Variants in AIDA observed in about 807,000 individuals in gnomAD.
AIDA encodes the protein axin interactor, dorsalization associated, also known as axin interactor, dorsalization-associated protein.
Under a neutral mutation model 42.7 loss-of-function variants are expected in AIDA, and 18 were observed. The ratio of observed to expected loss-of-function variants is 0.42; its 90% CI spans 0.29 to 0.63. The LOEUF is 0.63. AIDA is among the 20% of genes least tolerant of loss of function. The probability of loss-of-function intolerance (pLI) is 0.19; values close to 1 mark genes in which losing one functional copy is unlikely to be tolerated. For synonymous variants in AIDA, 104 were observed against 122.9 expected, an observed-to-expected ratio of 0.85 and a Z score of 1.02; for missense variants, 250 against 354.1, an observed-to-expected ratio of 0.71 and a Z score of 2.36.
At chr1:222,671,475 C>T (rs1027977789) in intron 8 of AIDA, among the ~76,000 whole-genome samples, 1 of 152,162 alleles carries the variant, frequency 6.6e-6, no homozygotes, top group Admixed American at 6.5e-5. Context: ...GCAAAGACAA[C>T]ATACATTTAA....
chr1:222,687,768 A>ATG, intron 4 of AIDA, 110 bp from the exon 5 acceptor site: 1 of 843,798 alleles, frequency 1.2e-6, no homozygotes, highest in South Asian at 2.2e-5. Context: ...AATATATATA[A>ATG]ATTCCCAGCC....
At chr1:222,678,218 T>C (rs929194579) in intron 6 of AIDA, among the ~76,000 whole-genome samples, 1 of 151,592 alleles carries the variant, frequency 6.6e-6, no homozygotes, top group South Asian at 2.1e-4. Context: ...TGTGTGTGTG[T>C]GTGTGTGTGT....
intron 6 of AIDA, among the ~76,000 whole-genome samples, chr1:222,684,407 C>T (rs1354862622): frequency 2.0e-5 from 3 of 152,174 alleles, no homozygotes; most frequent in Non-Finnish European, 4.4e-5. Context: ...CCACTGTGCC[C>T]AGCCAAGTGA....
intron 1 of AIDA, among the ~76,000 whole-genome samples, chr1:222,705,598 G>A (rs1655816955): frequency 6.6e-6 from 1 of 152,196 alleles, no homozygotes; most frequent in Admixed American, 6.5e-5. Context: ...TAAAAGTTAT[G>A]CAAGGCCAGG....
intron 2 of AIDA, among the ~76,000 whole-genome samples, chr1:222,702,023 C>CA (rs35462872): frequency 0.024 from 3,126 of 129,648 alleles, 90 homozygotes; most frequent in African/African-American, 0.089. Flanking sequence ...CACACCCAGC[C>CA]AAAAAAAAAA....
intron 4 of AIDA, among the ~76,000 whole-genome samples, chr1:222,689,380 C>T (rs1031862207): frequency 6.7e-6 from 1 of 149,988 alleles, no homozygotes; most frequent in African/African-American, 2.4e-5. Flanking sequence ...ATGGAGGTTG[C>T]AGCGAGCGGA....
At chr1:222,684,319 C>A (rs1484398959) in intron 6 of AIDA, among the ~76,000 whole-genome samples, 1 of 152,026 alleles carries the variant, frequency 6.6e-6, no homozygotes, top group Non-Finnish European at 1.5e-5. Context: ...ACCATGTTGG[C>A]CAGGCTGGTC....
At chr1:222,709,557 T>C (rs377359963) in intron 1 of AIDA, among the ~76,000 whole-genome samples, 1 of 151,362 alleles carries the variant, frequency 6.6e-6, no homozygotes, top group Non-Finnish European at 1.5e-5. Flanking sequence ...GGCAGTGGGG[T>C]TGGACAAGAG....
chr1:222,682,339 G>T (rs967730775), intron 6 of AIDA, among the ~76,000 whole-genome samples: 2 of 151,966 alleles, frequency 1.3e-5, no homozygotes, highest in Admixed American at 6.6e-5. Context: ...ACTAAGGATT[G>T]TATCTTCTGA....
intron 6 of AIDA, among the ~76,000 whole-genome samples, chr1:222,683,840 T>C (rs536735952): frequency 1.1e-4 from 16 of 152,322 alleles, no homozygotes; most frequent in Non-Finnish European, 2.1e-4. Context: ...AACATAAATA[T>C]GTTTGTCTTA....
intron 2 of AIDA, among the ~76,000 whole-genome samples, chr1:222,699,720 T>C (rs914024455): frequency 3.9e-5 from 6 of 152,178 alleles, no homozygotes; most frequent in African/African-American, 1.4e-4. Flanking sequence ...CATGTCAGTA[T>C]GGCTTTTTTT....
chr1:222,702,606 G>C (rs556197690), intron 2 of AIDA, among the ~76,000 whole-genome samples: 5 of 152,230 alleles, frequency 3.3e-5, no homozygotes, highest in Admixed American at 6.5e-5. Context: ...TTATTTTGCA[G>C]ATGGATTTTT....
At chr1:222,678,986 T>C (rs1205785761) in intron 6 of AIDA, among the ~76,000 whole-genome samples, 1 of 152,268 alleles carries the variant, frequency 6.6e-6, no homozygotes, top group Non-Finnish European at 1.5e-5. Context: ...TGTTCATTTT[T>C]GTATTGTTTT....
In AIDA at chr1:222,670,212, T is replaced by C; in HGVS notation, c.745A>G (p.Lys249Glu). The change falls in exon 9 of 10, where the codon AAA (lysine) becomes GAA (glutamate). Residue 249 changes from lysine (K) to glutamate (E), a missense_variant. Transcript: ENST00000340020. ...CACTTGGTGCTGGTAAACCTTTTTTTAGGCTTGTAGTGTTTGAATTCAAAG... is the reference window on the plus strand; with the variant it reads ...CACTTGGTGCTGGTAAACCTTTTTTCAGGCTTGTAGTGTTTGAATTCAAAG... ...IFFEFKHYKPKKRFTSTKCFA... is the reference protein window; with the variant it reads ...IFFEFKHYKPEKRFTSTKCFA... 1 of 1,614,132 alleles carries C rather than the reference T, an allele frequency of 6.2e-7. No individual in the cohort carries two copies. Among genetic ancestry groups the C allele is most frequent in the South Asian group, 1.1e-5 (1 of 91,078 alleles).
chr1:222,694,011 A>G (rs1224194948), intron 3 of AIDA, among the ~76,000 whole-genome samples, 168 bp from the exon 4 acceptor site: 1 of 152,218 alleles, frequency 6.6e-6, no homozygotes. Flanking sequence ...CACTCAGGCC[A>G]AAAATAACAG....
At chr1:222,674,733 T>C (rs1165032307) in intron 7 of AIDA, among the ~76,000 whole-genome samples, 1 of 152,226 alleles carries the variant, frequency 6.6e-6, no homozygotes, top group Non-Finnish European at 1.5e-5. Flanking sequence ...TTTAATCAAA[T>C]TCAACATGGA....
intron 6 of AIDA, among the ~76,000 whole-genome samples, chr1:222,683,438 G>A (rs1664687997): frequency 6.6e-6 from 1 of 152,178 alleles, no homozygotes; most frequent in African/African-American, 2.4e-5. Context: ...TAGTTATGCA[G>A]CAGAAAACAA....
At chr1:222,703,045 T>C (rs1655751759) in intron 2 of AIDA, 103 bp downstream of exon 2, 2 of 834,280 alleles carry the variant, frequency 2.4e-6, no homozygotes, top group Non-Finnish European at 3.7e-6. Flanking sequence ...AGTATAACAG[T>C]TTTTTGTTTT....
At chr1:222,699,545 AC>A (rs1655623742) in intron 2 of AIDA, among the ~76,000 whole-genome samples, 1 of 152,216 alleles carries the variant, frequency 6.6e-6, no homozygotes, top group Non-Finnish European at 1.5e-5. Context: ...ACATGTGCAT[AC>A]TAAAGGTCCC....
Sources: allele counts gnomAD v4.1 joint callset (sites outside exome capture counted in the v4.1 genomes callset), GRCh38; gene constraint gnomAD v4.1.1; transcripts MANE v1.5; gene names NCBI Gene and HGNC (gene_info 2026-07-23, HGNC 2026-07-21).